AGAP1: variants seen among roughly 807,000 people sequenced by gnomAD.
AGAP1 encodes the protein ArfGAP with GTPase domain, ankyrin repeat and PH domain 1, also known as arf-GAP with GTPase, ANK repeat and PH domain-containing protein 1.
AGAP1 carries 29 observed loss-of-function variants against 105.3 expected under a neutral mutation model. The ratio of observed to expected loss-of-function variants is 0.28; its 90% confidence interval spans 0.21 to 0.38. AGAP1 has a LOEUF of 0.38. Ranked by LOEUF, AGAP1 falls within the 10% of genes least tolerant of loss-of-function variation. AGAP1 has a pLI of 1.00. For missense variants in AGAP1, 998 were observed against 1,165.1 expected (o/e 0.86, Z 2.09); for synonymous variants, 509 against 485.9 (o/e 1.05, Z -0.63).
At chr2:235,800,613 C>T (rs768509064) in intron 8 of AGAP1, among the ~76,000 whole-genome samples, 1 of 152,164 alleles carries the variant, frequency 6.6e-6, no homozygotes, top group Non-Finnish European at 1.5e-5. Flanking sequence ...GCTTTTCCTC[C>T]CTGGATCACG....
Position 235,973,400 on chromosome 2 carries a change from GA to G in AGAP1, c.1645+4778del, listed in dbSNP as rs1451307722. 3.3e-5 allele frequency among the ~76,000 whole-genome samples: 5 copies of G among 152,214 alleles called. No individual in the cohort carries two copies. Among genetic ancestry groups the G allele is most frequent in the Non-Finnish European group, 7.3e-5 (5 of 68,040 alleles). On this transcript the variant is annotated intron_variant, in intron 13 of 17. Coordinates refer to ENST00000304032, the MANE Select transcript of AGAP1 (RefSeq NM_001037131.3). The surrounding 1 kb of genome is among the most constrained non-coding windows in gnomAD (Gnocchi z 4.7). Reference sequence around the variant, plus strand: ...TTTTGGGTTCTGAGGATTACCAGGAGATGTGTGGATGACAGAGCCCGTCGCT... The same window carrying G: ...TTTTGGGTTCTGAGGATTACCAGGAGTGTGTGGATGACAGAGCCCGTCGCT...
chr2:235,827,280 C>T (rs568560801), intron 9 of AGAP1, among the ~76,000 whole-genome samples: 5 of 152,258 alleles, frequency 3.3e-5, no homozygotes, highest in African/African-American at 1.2e-4. Context: ...TGATTCTCCA[C>T]GCAGACTCTC....
At position 235,709,372 on chromosome 2, in the gene AGAP1, G is replaced by C; in HGVS notation, c.222+135G>C. 3.9e-6 allele frequency: 4 copies of C among 1,022,890 alleles called. No individual in the cohort carries two copies. The South Asian group carries it at 5.4e-5, about 14-fold the overall frequency. The allele number at this position is 1,022,890 out of a possible 1,614,324, so 63.4% of individuals were successfully genotyped here. ...GTGACTCTGGGTGTGTTCCTGGGAA[G>C]GGCCAGGTATAGTTGATAGCTTGGG... On this transcript the variant is annotated intron_variant, in intron 2 of 17. Transcript: ENST00000304032.
chr2:235,586,113 C>T lies in AGAP1; in HGVS notation c.163+91264C>T, dbSNP rs73996181. 1.6e-3 allele frequency among the ~76,000 whole-genome samples: 248 copies of T among 152,234 alleles called. No individual in the cohort carries two copies. The highest frequency in any genetic ancestry group is 5.8e-3 in the African/African-American group (242 of 41,534). ...GTTGGGGAAGTGGCTGAAAAAAATG[C>T]CTCCTGGAAAAAGCAGTAAATGTAA... On this transcript the variant is annotated intron_variant, in intron 1 of 17. Coordinates refer to ENST00000304032, the MANE Select transcript of AGAP1 (RefSeq NM_001037131.3). This position sits in a 1 kb window ranked among gnomAD's most constrained non-coding sequence, Gnocchi z 4.2.
In AGAP1 at chr2:235,665,956, G is replaced by T. The variant is rs1295474683; in HGVS notation, c.164-43223G>T. On this transcript the variant is annotated intron_variant, in intron 1 of 17. Coordinates refer to ENST00000304032, the MANE Select transcript of AGAP1 (RefSeq NM_001037131.3). This position sits in a 1 kb window ranked among gnomAD's most constrained non-coding sequence, Gnocchi z 5.3. The stretch of plus-strand genomic sequence containing the variant: ...TGGAAATACTATTCTCCAGGAGAAT[G>T]TTTGATTTATAGGTAGCTAGAAATG... Among the ~76,000 whole-genome samples, 1 of 152,198 alleles carries T rather than the reference G, an allele frequency of 6.6e-6. No individual in the cohort carries two copies. The highest frequency in any genetic ancestry group is 2.1e-4 in the South Asian group (1 of 4,818).
Position 235,494,731 on chromosome 2 carries a change from C to A in AGAP1, c.45C>A (p.Ala15=), listed in dbSNP as rs750568829. 8 of 1,566,294 alleles carry A rather than the reference C, an allele frequency of 5.1e-6. No homozygotes were observed. The highest frequency in any genetic ancestry group is 6.9e-6 in the Non-Finnish European group (8 of 1,156,450). The change falls in exon 1 of 18, where the codon GCC becomes GCA. Residue 15 remains alanine (A), a synonymous_variant. Transcript: ENST00000304032. ...QQLANSAAIR[A]EIQRFESVHP... ...TGGCCAACTCGGCTGCCATCCGGGC[C>A]GAGATCCAGCGCTTCGAGTCGGTCC...
At chr2:235,520,918 C>T (rs139120597) in intron 1 of AGAP1, among the ~76,000 whole-genome samples, 2,278 of 152,300 alleles carry the variant, frequency 0.015, 26 homozygotes, top group Non-Finnish European at 0.018. Flanking sequence ...GGAAGCATTT[C>T]AGGAAGCCTT....
intron 1 of AGAP1, among the ~76,000 whole-genome samples, chr2:235,624,075 C>A (rs1946565119): frequency 6.6e-6 from 1 of 152,306 alleles, no homozygotes; most frequent in African/African-American, 2.4e-5. Context: ...AGCTCTGCAG[C>A]CACCGTTGCA....
intron 9 of AGAP1, among the ~76,000 whole-genome samples, chr2:235,827,382 G>A (rs1959129652): frequency 6.6e-6 from 1 of 152,194 alleles, no homozygotes; most frequent in South Asian, 2.1e-4. Flanking sequence ...CTTGGAGCAG[G>A]AGGTAAGGGG....
In AGAP1 at chr2:235,874,388, G is replaced by C. The variant is rs2049604130; in HGVS notation, c.1051-8957G>C. Among the ~76,000 whole-genome samples the C allele has an allele frequency of 6.6e-6, 1 of 152,204 alleles. No homozygotes were observed. The highest frequency in any genetic ancestry group is 2.4e-5 in the African/African-American group (1 of 41,452). On this transcript the variant is annotated intron_variant, in intron 9 of 17. Coordinates refer to ENST00000304032, the MANE Select transcript of AGAP1 (RefSeq NM_001037131.3). The surrounding 1 kb of genome is among the most constrained non-coding windows in gnomAD (Gnocchi z 4.5). ...TGAGCTGAGCTCCCGAGGGTACCTGGTGATGTAGAAGGAAGTTGGCTTAAC... is the reference window on the plus strand; with the variant it reads ...TGAGCTGAGCTCCCGAGGGTACCTGCTGATGTAGAAGGAAGTTGGCTTAAC...
chr2:235,502,777 T>C (rs543754473), intron 1 of AGAP1, among the ~76,000 whole-genome samples: 13 of 150,476 alleles, frequency 8.6e-5, no homozygotes, highest in Non-Finnish European at 1.3e-4. Flanking sequence ...ATAATGTCCA[T>C]GTTCACAAAT....
chr2:236,114,092 C>T lies in AGAP1; in HGVS notation c.2115-6100C>T, dbSNP rs1034080592. On this transcript the variant is annotated intron_variant, in intron 16 of 17. Coordinates refer to ENST00000304032, the MANE Select transcript of AGAP1 (RefSeq NM_001037131.3). The surrounding 1 kb of genome is among the most constrained non-coding windows in gnomAD (Gnocchi z 5.0). ...AACTGGGCCCCCTCCTTTCTGCTGA[C>T]GGCCGGCCGCGCCAATAATTCATTT... Among the ~76,000 whole-genome samples, 4 of 152,082 alleles carry T rather than the reference C, an allele frequency of 2.6e-5. No homozygotes were observed. Among genetic ancestry groups the T allele is most frequent in the East Asian group, 1.9e-4 (1 of 5,174 alleles).
intron 6 of AGAP1, among the ~76,000 whole-genome samples, chr2:235,764,000 T>TGCGTGGCTGTGAC (rs1954692231): frequency 6.7e-6 from 1 of 150,178 alleles, no homozygotes; most frequent in African/African-American, 2.5e-5. Context: ...GTGGCTGTGA[T>TGCGTGGCTGTGAC]CCGTGCGTGG....
At chr2:236,033,543 G>A (rs1047784543) in intron 13 of AGAP1, among the ~76,000 whole-genome samples, 9 of 152,224 alleles carry the variant, frequency 5.9e-5, no homozygotes, top group African/African-American at 1.9e-4. Context: ...AAATAGAGAC[G>A]TTCCCTTGGA....
chr2:235,568,048 G>A (rs1944402771), intron 1 of AGAP1, among the ~76,000 whole-genome samples: 1 of 152,104 alleles, frequency 6.6e-6, no homozygotes, highest in Non-Finnish European at 1.5e-5. Flanking sequence ...GACACTGCCA[G>A]TTCCCTTCAG....
At chr2:235,679,762 T>C (rs1335971897) in intron 1 of AGAP1, among the ~76,000 whole-genome samples, 1 of 152,234 alleles carries the variant, frequency 6.6e-6, no homozygotes, top group Non-Finnish European at 1.5e-5. Flanking sequence ...AGCAGAGTAA[T>C]CTGTGCTCTT....
Position 235,714,448 on chromosome 2 carries a change from G to C in AGAP1, c.223-3109G>C, listed in dbSNP as rs948586453. 6.6e-6 allele frequency among the ~76,000 whole-genome samples: 1 copy of C among 151,926 alleles called. No homozygotes were observed. The highest frequency in any genetic ancestry group is 1.9e-4 in the East Asian group (1 of 5,142). ...TGAACTGATAGTAAGAGTAGGTTTCGGGGAATGATTGATATGGAAAGCTTT... is the reference window on the plus strand; with the variant it reads ...TGAACTGATAGTAAGAGTAGGTTTCCGGGAATGATTGATATGGAAAGCTTT... On this transcript the variant is annotated intron_variant, in intron 2 of 17. Coordinates refer to ENST00000304032, the MANE Select transcript of AGAP1 (RefSeq NM_001037131.3). The surrounding 1 kb of genome is among the most constrained non-coding windows in gnomAD (Gnocchi z 4.1).
In AGAP1 at chr2:235,930,750, C is replaced by G. The variant is rs1390514902; in HGVS notation, c.1325-15C>G. The stretch of plus-strand genomic sequence containing the variant: ...GCAGTCCGCGGTGGTGTTCACCTGA[C>G]TTGTTTATTCCTAGGGAATGTCACT... On this transcript the variant is annotated splice_polypyrimidine_tract_variant and intron_variant, in intron 11 of 17. Coordinates refer to ENST00000304032, the MANE Select transcript of AGAP1 (RefSeq NM_001037131.3). The surrounding 1 kb of genome is among the most constrained non-coding windows in gnomAD (Gnocchi z 7.9). The G allele has an allele frequency of 3.1e-6, 5 of 1,612,166 alleles. No homozygotes were observed. Among genetic ancestry groups the G allele is most frequent in the Non-Finnish European group, 4.2e-6 (5 of 1,179,218 alleles).
intron 1 of AGAP1, among the ~76,000 whole-genome samples, chr2:235,653,441 G>A (rs988305543): frequency 6.6e-6 from 1 of 152,004 alleles, no homozygotes; most frequent in African/African-American, 2.4e-5. Context: ...TCCAGCCTGG[G>A]CGAAAGAGCG....
Sources: allele counts gnomAD v4.1 joint callset (sites outside exome capture counted in the v4.1 genomes callset), GRCh38; gene constraint gnomAD v4.1.1; non-coding constraint Gnocchi (gnomAD v3.1); transcripts MANE v1.5; gene names NCBI Gene and HGNC (gene_info 2026-07-23, HGNC 2026-07-21).